Variants in MCOLN2 observed in about 807,000 individuals in gnomAD.
MCOLN2 encodes the protein mucolipin-2.
In MCOLN2, 57 loss-of-function variants were observed where a neutral mutation model predicts 67.5. The ratio of observed to expected loss-of-function variants is 0.84; its 90% CI spans 0.68 to 1.05. MCOLN2 has a LOEUF of 1.05. Among genes scored for constraint, MCOLN2 ranks in the 50% least tolerant of loss-of-function variants. The pLI is 0.00. For synonymous variants in MCOLN2, 246 were observed against 233.3 expected, an observed-to-expected ratio of 1.05 and a Z score of -0.50; for missense variants, 620 against 678.8, an observed-to-expected ratio of 0.91 and a Z score of 0.96.
At chr1:84,954,118 C>T (rs1031457082) in intron 4 of MCOLN2, among the ~76,000 whole-genome samples, 11 of 152,208 alleles carry the variant, frequency 7.2e-5, no homozygotes, top group South Asian at 2.1e-4. Flanking sequence ...CCTTGCTAAA[C>T]GCCCATTGCC....
intron 6 of MCOLN2, among the ~76,000 whole-genome samples, chr1:84,949,670 C>T (rs1196887194): frequency 1.3e-5 from 2 of 151,664 alleles, no homozygotes; most frequent in East Asian, 3.9e-4. Context: ...AAAAATACTG[C>T]AAGAGAAAAA....
chr1:84,970,690 A>G (rs1262400561), intron 1 of MCOLN2, among the ~76,000 whole-genome samples: 1 of 152,084 alleles, frequency 6.6e-6, no homozygotes, highest in Non-Finnish European at 1.5e-5. Context: ...CTCATAAATA[A>G]ATAAATATAA....
chr1:84,952,432 T>C lies in MCOLN2; in HGVS notation c.650+14A>G. On this transcript the variant is annotated intron_variant, in intron 5 of 13. Coordinates refer to ENST00000370608, the MANE Select transcript of MCOLN2 (RefSeq NM_153259.4). ...CCTCATCTCTTAGGGAATAACACTT[T>C]AAAATGTATTTACCGATAAAATTCC... 6.2e-7 allele frequency: 1 copy of C among 1,601,904 alleles called. No individual in the cohort carries two copies.
chr1:84,968,783 TA>T (rs1649508735), intron 1 of MCOLN2, among the ~76,000 whole-genome samples: 1 of 152,108 alleles, frequency 6.6e-6, no homozygotes, highest in Admixed American at 6.5e-5. Context: ...GAGCCAGCCA[TA>T]AAAAAATTCT....
chr1:84,970,579 C>G (rs909389871), intron 1 of MCOLN2, among the ~76,000 whole-genome samples: 1 of 151,770 alleles, frequency 6.6e-6, no homozygotes, highest in Admixed American at 6.6e-5. Flanking sequence ...ACTACTCAGG[C>G]AGCTGAGACA....
chr1:84,992,008 A>G (rs1342397235), intron 1 of MCOLN2, among the ~76,000 whole-genome samples: 1 of 152,238 alleles, frequency 6.6e-6, no homozygotes, highest in East Asian at 1.9e-4. Context: ...TCCCTAAGGA[A>G]AAGAAATTAT....
chr1:84,960,034 A>G (rs778616382), intron 2 of MCOLN2, among the ~76,000 whole-genome samples: 8 of 152,144 alleles, frequency 5.3e-5, no homozygotes, highest in Non-Finnish European at 1.2e-4. Flanking sequence ...ACCTGTCTCT[A>G]AAAAAATAAA....
intron 1 of MCOLN2, among the ~76,000 whole-genome samples, chr1:84,994,048 A>G (rs72720523): frequency 0.42 from 63,486 of 151,666 alleles, 13,964 homozygotes; most frequent in East Asian, 0.62. Context: ...AGAACTTTTC[A>G]ATGATCAGAG....
At chr1:84,945,127 G>C (rs542070376) in intron 7 of MCOLN2, among the ~76,000 whole-genome samples, 70 of 152,288 alleles carry the variant, frequency 4.6e-4, no homozygotes, top group African/African-American at 1.5e-3. Flanking sequence ...ATTGGCCACA[G>C]GAGGGGGCTA....
At chr1:84,985,703 C>T (rs890952773) in intron 1 of MCOLN2, among the ~76,000 whole-genome samples, 1 of 151,886 alleles carries the variant, frequency 6.6e-6, no homozygotes, top group Non-Finnish European at 1.5e-5. Context: ...GCAAAAAAAA[C>T]CAAAATTTAA....
intron 7 of MCOLN2, among the ~76,000 whole-genome samples, chr1:84,941,963 C>T (rs189480347): frequency 7.9e-5 from 12 of 152,266 alleles, no homozygotes; most frequent in Admixed American, 3.9e-4. Context: ...CCAATCCCAG[C>T]CCAGCTCTCT....
chr1:84,990,065 G>A (rs1571052947), intron 1 of MCOLN2, among the ~76,000 whole-genome samples: 1 of 152,014 alleles, frequency 6.6e-6, no homozygotes, highest in Non-Finnish European at 1.5e-5. Flanking sequence ...GGGAGGCCAA[G>A]GCAGGCGGAT....
intron 1 of MCOLN2, among the ~76,000 whole-genome samples, chr1:84,994,857 GT>G (rs1373418374): frequency 6.6e-6 from 1 of 152,170 alleles, no homozygotes; most frequent in African/African-American, 2.4e-5. Context: ...CTTTTGGTCT[GT>G]CTCAGCTTTC....
chr1:84,981,965 A>G, intron 1 of MCOLN2, among the ~76,000 whole-genome samples: 2 of 152,316 alleles, frequency 1.3e-5, no homozygotes, highest in Middle Eastern at 3.4e-3. Context: ...AATTAAAAAT[A>G]AAAGATAAAA....
At chr1:84,954,613 T>G (rs977918447) in intron 4 of MCOLN2, among the ~76,000 whole-genome samples, 1 of 152,206 alleles carries the variant, frequency 6.6e-6, no homozygotes, top group Non-Finnish European at 1.5e-5. Flanking sequence ...CTACTAGGTA[T>G]CCAAAAGTTA....
At chr1:84,961,297 C>A (rs1172840434) in intron 2 of MCOLN2, among the ~76,000 whole-genome samples, 5 of 152,040 alleles carry the variant, frequency 3.3e-5, no homozygotes, top group South Asian at 4.1e-4. Flanking sequence ...GGATATTAGA[C>A]CCATTCCTCC....
At chr1:84,964,566 A>G (rs1649275056) in intron 2 of MCOLN2, among the ~76,000 whole-genome samples, 1 of 151,948 alleles carries the variant, frequency 6.6e-6, no homozygotes, top group Non-Finnish European at 1.5e-5. Flanking sequence ...ATTCAAGTGC[A>G]TTACACTAGT....
intron 4 of MCOLN2, among the ~76,000 whole-genome samples, chr1:84,954,012 A>C (rs924616445): frequency 1.3e-5 from 2 of 152,226 alleles, no homozygotes; most frequent in Non-Finnish European, 2.9e-5. Context: ...CTGATTCTTC[A>C]AAAGTGTTAT....
At chr1:84,932,839 T>A (rs1647244784) in intron 11 of MCOLN2, among the ~76,000 whole-genome samples, 1 of 152,144 alleles carries the variant, frequency 6.6e-6, no homozygotes, top group Non-Finnish European at 1.5e-5. Context: ...TTTACTCCAA[T>A]CTCTTTACCC....
Sources: gnomAD v4.1 joint callset for allele counts (sites outside exome capture counted in the v4.1 genomes callset) on GRCh38, gnomAD v4.1.1 for gene constraint, MANE v1.5 for transcripts, NCBI Gene and HGNC (gene_info 2026-07-23, HGNC 2026-07-21) for gene names.